MAGT1: variants seen among roughly 807,000 people sequenced by gnomAD.
MAGT1 encodes the protein dolichyl-diphosphooligosaccharide--protein glycosyltransferase subunit MAGT1.
Under a neutral mutation model 28.4 loss-of-function variants are expected in MAGT1, and 4 were observed. That is an observed-to-expected ratio of 0.14 (90% CI 0.07 to 0.32). The LOEUF is 0.32. Ranked by LOEUF, MAGT1 falls within the 10% of genes least tolerant of loss-of-function variation. The pLI, the probability that MAGT1 is intolerant of heterozygous loss-of-function variation, is 1.00. For synonymous variants in MAGT1, 89 were observed against 89.7 expected (o/e 0.99, Z 0.04); for missense variants, 193 against 264.5 (o/e 0.73, Z 1.88).
rs1333187092 is a variant in MAGT1, at chrX:77,826,975, T to C, written c.*2245A>G. 8.9e-6 allele frequency: 1 copy of C among 112,302 alleles called. No homozygotes were observed. The highest frequency in any genetic ancestry group is 3.2e-5 in the African/African-American group (1 of 31,008). 9.3% of individuals were successfully genotyped at this position (112,302 alleles called of 1,213,427 possible). On this transcript the variant is annotated 3_prime_UTR_variant, in exon 10 of 10. Coordinates refer to ENST00000618282, the MANE Select transcript of MAGT1 (RefSeq NM_001367916.1). ...CAAAAAACCCACATAAAATATTTCT[T>C]CTGAGGCTACTATATCCATCTCTTT...
At chrX:77,870,411 A>T (rs2077017785) in intron 3 of MAGT1, among the ~76,000 whole-genome samples, 1 of 110,985 alleles carries the variant, frequency 9.0e-6, no homozygotes, top group African/African-American at 3.3e-5. Context: ...AAATAAAAAT[A>T]AAAATTTTAA....
intron 1 of MAGT1, among the ~76,000 whole-genome samples, chrX:77,893,914 A>G (rs1292439684): frequency 9.0e-6 from 1 of 111,028 alleles, no homozygotes; most frequent in Non-Finnish European, 1.9e-5. Flanking sequence ...AAAAAAAAAA[A>G]AAGTGGTCAT....
In MAGT1 at chrX:77,856,441, G is replaced by GA. The variant is rs369643749; in HGVS notation, c.672+291dup. ...TGACAGACCAAGACTCCGCCTCAAAGAAAAAAAAAAAAGAATAATATTTTC... is the reference window on the plus strand; with the variant it reads ...TGACAGACCAAGACTCCGCCTCAAAGAAAAAAAAAAAAAGAATAATATTTTC... On this transcript the variant is annotated intron_variant, in intron 5 of 9. Coordinates refer to ENST00000618282, the MANE Select transcript of MAGT1 (RefSeq NM_001367916.1). 10,710 of 158,597 alleles carry GA rather than the reference G, an allele frequency of 0.068. 406 individuals are homozygous for GA. The highest frequency in any genetic ancestry group is 0.2 in the African/African-American group (5,432 of 27,661). 13.1% of individuals were successfully genotyped at this position (158,597 alleles called of 1,213,427 possible).
chrX:77,881,997 G>A (rs1287781112), intron 1 of MAGT1, among the ~76,000 whole-genome samples: 1 of 111,687 alleles, frequency 9.0e-6, no homozygotes, highest in Admixed American at 9.6e-5. Context: ...TTCAACATAC[G>A]CAAATCAATA....
chrX:77,851,021 G>C (rs2076966327), intron 7 of MAGT1, among the ~76,000 whole-genome samples: 1 of 105,207 alleles, frequency 9.5e-6, no homozygotes, highest in Admixed American at 1.0e-4. Context: ...TGCCCAGGCT[G>C]GAGTGCAGTG....
intron 9 of MAGT1, among the ~76,000 whole-genome samples, chrX:77,830,080 T>A (rs1557213224): frequency 8.9e-6 from 1 of 112,681 alleles, no homozygotes; most frequent in Non-Finnish European, 1.9e-5. Flanking sequence ...CCCAGCCCTC[T>A]GGGAGGCTGA....
chrX:77,856,053 C>T (rs1273864210), intron 5 of MAGT1, among the ~76,000 whole-genome samples: 1 of 111,017 alleles, frequency 9.0e-6, no homozygotes, highest in Admixed American at 9.7e-5. Context: ...TAGGTGTGAG[C>T]CACTGCGCCT....
chrX:77,829,877 A>G (rs191368475), intron 9 of MAGT1, among the ~76,000 whole-genome samples: 2 of 112,545 alleles, frequency 1.8e-5, no homozygotes, highest in East Asian at 5.5e-4. Flanking sequence ...ATGGCATAAA[A>G]TGTTCTAATC....
chrX:77,841,836 C>T (rs1012280058), intron 7 of MAGT1, among the ~76,000 whole-genome samples: 17 of 101,784 alleles, frequency 1.7e-4, no homozygotes, highest in African/African-American at 5.2e-4. Context: ...CCACCACGCC[C>T]AGTTAAATTC....
chrX:77,883,178 C>CT (rs2077057991), intron 1 of MAGT1, among the ~76,000 whole-genome samples: 1 of 102,845 alleles, frequency 9.7e-6, no homozygotes, highest in African/African-American at 3.5e-5. Context: ...GGTTCCAAGT[C>CT]TTTGCTATTG....
chrX:77,890,911 G>A (rs1426250232), intron 1 of MAGT1, among the ~76,000 whole-genome samples: 2 of 110,883 alleles, frequency 1.8e-5, no homozygotes, highest in Admixed American at 9.8e-5. Context: ...AACTGGGGAG[G>A]GAGATCTATC....
intron 2 of MAGT1, 118 bp downstream of exon 2, chrX:77,875,310 C>G: frequency 1.5e-6 from 1 of 652,484 alleles, no homozygotes; most frequent in Non-Finnish European, 2.5e-6. Flanking sequence ...CATAGACATC[C>G]TGAGTAAGGT....
chrX:77,855,073 G>A (rs868927752), intron 6 of MAGT1, among the ~76,000 whole-genome samples: 50 of 111,502 alleles, frequency 4.5e-4, no homozygotes, highest in African/African-American at 1.5e-3. Context: ...CAGCACTTTG[G>A]GAGGCTGAGG....
intron 2 of MAGT1, among the ~76,000 whole-genome samples, chrX:77,872,359 A>G (rs1405667870): frequency 9.0e-6 from 1 of 111,386 alleles, no homozygotes; most frequent in Non-Finnish European, 1.9e-5. Context: ...CAATCCTTAC[A>G]CTGCAATATA....
intron 7 of MAGT1, among the ~76,000 whole-genome samples, chrX:77,851,004 G>A (rs1482110648): frequency 2.0e-5 from 2 of 99,107 alleles, no homozygotes; most frequent in African/African-American, 3.8e-5. Flanking sequence ...ACAGAGTCTC[G>A]CTCTGTTGCC....
chrX:77,858,248 T>C (rs1557216167), intron 3 of MAGT1, among the ~76,000 whole-genome samples: 1 of 111,563 alleles, frequency 9.0e-6, no homozygotes. Flanking sequence ...TGAAGCACAG[T>C]GGCAGGATCT....
chrX:77,857,549 T>C (rs782543583), intron 3 of MAGT1, 52 bp from the exon 4 acceptor site: 2 of 1,171,538 alleles, frequency 1.7e-6, no homozygotes, highest in South Asian at 1.8e-5. Flanking sequence ...ATAATCTTAA[T>C]TGCAGTTAAC....
At chrX:77,847,609 CTTT>C (rs782595247) in intron 7 of MAGT1, among the ~76,000 whole-genome samples, 6 of 93,093 alleles carry the variant, frequency 6.4e-5, no homozygotes, top group Admixed American at 1.2e-4. Flanking sequence ...TCATTTCTTT[CTTT>C]TTTTTTTTTT....
intron 1 of MAGT1, among the ~76,000 whole-genome samples, chrX:77,891,315 CATCTATCTATCTATCTATCT>C: frequency 1.1e-5 from 1 of 90,460 alleles, no homozygotes; most frequent in Non-Finnish European, 2.2e-5. Context: ...TCAGTTCCCT[CATCTATCTATCTATCTATCT>C]ATCTATCTAT....
Sources: allele counts gnomAD v4.1 joint callset (sites outside exome capture counted in the v4.1 genomes callset), GRCh38; gene constraint gnomAD v4.1.1; transcripts MANE v1.5; gene names NCBI Gene and HGNC (gene_info 2026-07-23, HGNC 2026-07-21).